The following POMT2 variants were observed in gnomAD, a reference collection of about 807,000 sequenced individuals.
POMT2 encodes protein O-mannosyl-transferase 2.
A neutral mutation model predicts 100.0 loss-of-function variants in POMT2; 75 were observed. That is an observed-to-expected ratio of 0.75 (90% confidence interval 0.62 to 0.91). The LOEUF (loss-of-function observed/expected upper bound fraction) is 0.91. POMT2 is among the 40% of genes least tolerant of loss of function. The probability of loss-of-function intolerance (pLI) is 0.00; values close to 1 mark genes in which losing one functional copy is unlikely to be tolerated. For synonymous variants in POMT2, 378 were observed against 374.1 expected (o/e 1.01, Z -0.12); for missense variants, 940 against 955.1 (o/e 0.98, Z 0.21).
chr14:77,275,490 C>T lies in POMT2; in HGVS notation c.*1886G>A, dbSNP rs1889904387. 1 of 152,282 alleles carries T rather than the reference C, an allele frequency of 6.6e-6. No individual in the cohort carries two copies. The highest frequency in any genetic ancestry group is 2.1e-4 in the South Asian group (1 of 4,826). 9.4% of individuals were successfully genotyped at this position (152,282 alleles called of 1,614,324 possible). On this transcript the variant is annotated 3_prime_UTR_variant, in exon 21 of 21. Coordinates refer to ENST00000261534, the MANE Select transcript of POMT2 (RefSeq NM_013382.7). ...GAAGGCACAAAGGAAAATCAGCCACCTCCTGGAGGTCACTGTGGGCCACCT... is the reference window on the plus strand; with the variant it reads ...GAAGGCACAAAGGAAAATCAGCCACTTCCTGGAGGTCACTGTGGGCCACCT...
At chr14:77,291,580 C>T in intron 9 of POMT2, 200 bp from the exon 10 acceptor site, 1 of 681,688 alleles carries the variant, frequency 1.5e-6, no homozygotes, top group Non-Finnish European at 2.5e-6. Context: ...CTCCTTCCTT[C>T]TGCATTTAGA....
At chr14:77,315,684 C>A (rs1891597924) in intron 1 of POMT2, among the ~76,000 whole-genome samples, 2 of 152,178 alleles carry the variant, frequency 1.3e-5, no homozygotes, top group African/African-American at 4.8e-5. Context: ...AATCTACATC[C>A]CTGGAAGGGA....
intron 1 of POMT2, 104 bp downstream of exon 1, chr14:77,320,330 C>A (rs1197560661): frequency 6.5e-7 from 1 of 1,529,528 alleles, no homozygotes; most frequent in Non-Finnish European, 8.8e-7. Flanking sequence ...TCCACCGTGG[C>A]CCTCCTCCTA....
Position 77,280,077 on chromosome 14 carries a change from G to T in POMT2, c.1729C>A (p.Leu577Ile), listed in dbSNP as rs1355247291. The change falls in exon 17 of 21, where the codon CTA becomes ATA. Residue 577 changes from leucine to isoleucine, a missense_variant. Transcript: ENST00000261534. Reference sequence around the variant, plus strand: ...GTGTCATTGACCCCTGAGAAGCGTAGGCCCTGTGGAATAGAGACCACCCTG... The same window carrying T: ...GTGTCATTGACCCCTGAGAAGCGTATGCCCTGTGGAATAGAGACCACCCTG... ...PWHWPINYQG[L>I]RFSGVNDTDF... 1.2e-6 allele frequency: 2 copies of T among 1,613,838 alleles called. No individual in the cohort carries two copies.
intron 11 of POMT2, chr14:77,287,312 T>C (rs1890460707): frequency 6.4e-6 from 1 of 155,186 alleles, no homozygotes; most frequent in Non-Finnish European, 1.4e-5. Flanking sequence ...TTTTATTTAG[T>C]TTTATATAAC....
intron 8 of POMT2, among the ~76,000 whole-genome samples, chr14:77,298,085 T>C (rs1014614188): frequency 2.0e-5 from 3 of 152,220 alleles, no homozygotes; most frequent in South Asian, 2.1e-4. Context: ...GCTTTGATCA[T>C]GTCATCCCTC....
intron 1 of POMT2, among the ~76,000 whole-genome samples, chr14:77,316,857 T>A (rs548128566): frequency 6.6e-6 from 1 of 152,284 alleles, no homozygotes; most frequent in African/African-American, 2.4e-5. Context: ...ATTGAAGCAT[T>A]TGGTATGCCA....
chr14:77,302,834 C>A lies in POMT2; in HGVS notation c.656+1G>T. Reference sequence around the variant, plus strand: ...CCCCTCCCGGGGATGGAGTTTCTGACCTGTCGGCGCAAGAGTTGTACTTGA... The same window carrying A: ...CCCCTCCCGGGGATGGAGTTTCTGAACTGTCGGCGCAAGAGTTGTACTTGA... On this transcript the variant is annotated splice_donor_variant, in intron 5 of 20. Coordinates refer to ENST00000261534, the MANE Select transcript of POMT2 (RefSeq NM_013382.7). LOFTEE classifies it high-confidence loss of function. The A allele has an allele frequency of 6.2e-7, 1 of 1,608,852 alleles. No individual in the cohort carries two copies. Among genetic ancestry groups the A allele is most frequent in the Non-Finnish European group, 8.5e-7 (1 of 1,175,474 alleles).
In POMT2 at chr14:77,277,418, ACT is replaced by A; in HGVS notation, c.2209_2210del (p.Pro738AsnfsTer41). The A allele has an allele frequency of 6.2e-7, 1 of 1,614,032 alleles. No individual in the cohort carries two copies. Among genetic ancestry groups the A allele is most frequent in the Non-Finnish European group, 8.5e-7 (1 of 1,179,928 alleles). ...CCAGCCACCTTAGTCCTGCCATTGG[ACT>A]TTGGGGGTCCTGGGCCAGGGGACCA... is the stretch of plus-strand genomic sequence containing the variant. ...MVGPLAQDPQ[S>X]PMAGLRWLDS... is the part of the protein sequence containing the mutation. On this transcript the variant is annotated frameshift_variant, in exon 21 of 21. Transcript: ENST00000261534. LOFTEE classifies it high-confidence loss of function.
rs1350511523 is a variant in POMT2, at chr14:77,320,558, G to C, written c.124C>G (p.Pro42Ala). The C allele has an allele frequency of 1.3e-6, 2 of 1,568,834 alleles. No individual in the cohort carries two copies. The highest frequency in any genetic ancestry group is 1.7e-6 in the Non-Finnish European group (2 of 1,163,874). Residue 42 changes from proline (P) to alanine (A), a missense_variant, in exon 1 of 21, where the codon CCC (proline) becomes GCC (alanine). Physicochemically the swap from Pro to Ala is conservative, Grantham distance 27. Coordinates refer to ENST00000261534, the MANE Select transcript of POMT2 (RefSeq NM_013382.7). ...CGTGAGCCCCAAGCAGGCCGTTTGG[G>C]GCTTCGCGCCACAGCCTCAGCGGCC... ...DVAAEAVARS[P>A]KRPAWGSRRF...
At chr14:77,309,339 T>C (rs1179131600) in intron 2 of POMT2, among the ~76,000 whole-genome samples, 1 of 152,232 alleles carries the variant, frequency 6.6e-6, no homozygotes, top group Non-Finnish European at 1.5e-5. Context: ...ATGTTTTAAG[T>C]TCCTGTTTAA....
chr14:77,286,583 G>T (rs1436725702), intron 12 of POMT2, among the ~76,000 whole-genome samples, 161 bp downstream of exon 12: 1 of 152,204 alleles, frequency 6.6e-6, no homozygotes, highest in African/African-American at 2.4e-5. Context: ...TTTTCCCAGA[G>T]CAGGCCTAGC....
At chr14:77,279,975 C>A (rs368777639) in intron 17 of POMT2, 46 bp downstream of exon 17, 53 of 1,614,026 alleles carry the variant, frequency 3.3e-5, no homozygotes, top group Non-Finnish European at 4.2e-5. Flanking sequence ...CCGCTCTCCA[C>A]GGGCAAGTGC....
intron 14 of POMT2, chr14:77,284,197 G>A: frequency 2.6e-6 from 1 of 384,722 alleles, no homozygotes; most frequent in African/African-American, 2.1e-5. Context: ...CAGCTGCACA[G>A]CCCCCGAGTC....
Position 77,296,286 on chromosome 14 carries a change from G to C in POMT2, c.1007-13C>G, listed in dbSNP as rs746271950. On this transcript the variant is annotated splice_polypyrimidine_tract_variant and intron_variant, in intron 8 of 20. Transcript: ENST00000261534. ...CCGTAGGCCAGGTCTGGGAGGAAGG[G>C]AGACAGCAGAGGGGTGAGCTGGCAC... The C allele has an allele frequency of 1.1e-5, 18 of 1,565,246 alleles. No homozygotes were observed. In the East Asian group the frequency reaches 3.7e-4, roughly 32 times the overall value.
At chr14:77,288,884 TA>T in intron 10 of POMT2, 53 bp from the exon 11 acceptor site, 1 of 1,452,108 alleles carries the variant, frequency 6.9e-7, no homozygotes, top group Non-Finnish European at 9.7e-7. Context: ...AGGCTAGTAT[TA>T]ATCAAGGGCC....
chr14:77,290,453 T>G (rs984223401), intron 10 of POMT2, among the ~76,000 whole-genome samples: 4 of 151,544 alleles, frequency 2.6e-5, no homozygotes, highest in African/African-American at 9.7e-5. Context: ...TAAGAGGAGG[T>G]GGATTTAGGT....
chr14:77,292,146 C>G (rs1341843012), intron 9 of POMT2, among the ~76,000 whole-genome samples: 1 of 152,108 alleles, frequency 6.6e-6, no homozygotes, highest in Non-Finnish European at 1.5e-5. Flanking sequence ...ATATCCTGTC[C>G]TAGAATTTAA....
intron 12 of POMT2, among the ~76,000 whole-genome samples, chr14:77,286,002 C>T (rs1890415784): frequency 6.6e-6 from 1 of 152,204 alleles, no homozygotes; most frequent in African/African-American, 2.4e-5. Flanking sequence ...GCATCCATTA[C>T]CTTGGCTATC....
Sources: gnomAD v4.1 joint callset for allele counts (sites outside exome capture counted in the v4.1 genomes callset) on GRCh38, gnomAD v4.1.1 for gene constraint, MANE v1.5 for transcripts, NCBI Gene and HGNC (gene_info 2026-07-23, HGNC 2026-07-21) for gene names.